The following SFMBT2 variants were observed in gnomAD, a reference collection of about 807,000 sequenced individuals.
SFMBT2 encodes Scm like with four mbt domains 2.
SFMBT2 carries 38 observed loss-of-function variants against 110.1 expected under a neutral mutation model. That is an observed-to-expected ratio of 0.35 (90% CI 0.27 to 0.45). The LOEUF is 0.45. Ranked by LOEUF, SFMBT2 falls within the 20% of genes least tolerant of loss-of-function variation. The probability of loss-of-function intolerance (pLI) is 1.00; values close to 1 mark genes in which losing one functional copy is unlikely to be tolerated. For synonymous variants in SFMBT2, 425 were observed against 425.4 expected (o/e 1.00, Z 0.01); for missense variants, 1,011 against 1,094.9 (o/e 0.92, Z 1.08).
intron 7 of SFMBT2, among the ~76,000 whole-genome samples, chr10:7,263,808 C>T (rs988797907): frequency 2.0e-5 from 3 of 152,172 alleles, no homozygotes; most frequent in Non-Finnish European, 4.4e-5. Flanking sequence ...CACAATCTAT[C>T]GTAAGAGAAG....
chr10:7,379,324 A>T (rs1487356937), intron 2 of SFMBT2, among the ~76,000 whole-genome samples: 1 of 152,188 alleles, frequency 6.6e-6, no homozygotes, highest in East Asian at 1.9e-4. Context: ...TCACCAAGTG[A>T]TTCCAGGACT....
chr10:7,377,982 G>A (rs1845292554), intron 2 of SFMBT2, among the ~76,000 whole-genome samples: 1 of 146,604 alleles, frequency 6.8e-6, no homozygotes. Context: ...GTGTGTGTGG[G>A]GGGGAGGTGG....
chr10:7,376,624 G>A (rs538823603), intron 2 of SFMBT2, among the ~76,000 whole-genome samples: 79 of 146,308 alleles, frequency 5.4e-4, no homozygotes, highest in Admixed American at 1.8e-3. Context: ...GCGTGAACCC[G>A]AGAGGAGGAG....
In SFMBT2 at chr10:7,284,017, T is replaced by G. The variant is rs757831169; in HGVS notation, c.659A>C (p.Tyr220Ser). ...GGATTCAGTGTCCTCCAATCCCACA[T>G]AGCGAAGGCGTAATCTTCCTCCAAC... ...ENVGGRLRLR[Y>S]VGLEDTESYD... Residue 220 changes from tyrosine to serine, a missense_variant, in exon 6 of 21, where the codon TAT becomes TCT. By Grantham distance (144) the Tyr-to-Ser change is moderately radical. Around this residue, in one of 2 missense-constraint regions of SFMBT2, gnomAD observed 979 missense variants for 1,016.1 expected, o/e 0.96. Coordinates refer to ENST00000397167, the MANE Select transcript of SFMBT2 (RefSeq NM_001387889.1). 7 of 1,613,922 alleles carry G rather than the reference T, an allele frequency of 4.3e-6. No homozygotes were observed. The highest frequency in any genetic ancestry group is 4.0e-5 in the African/African-American group (3 of 74,932).
At chr10:7,213,856 C>T (rs897095818) in intron 11 of SFMBT2, among the ~76,000 whole-genome samples, 2 of 152,166 alleles carry the variant, frequency 1.3e-5, no homozygotes, top group Admixed American at 1.3e-4. Flanking sequence ...GTGTGCACAG[C>T]GTGACCGTCC....
chr10:7,179,730 C>T (rs981620116), intron 16 of SFMBT2, among the ~76,000 whole-genome samples: 8 of 152,240 alleles, frequency 5.3e-5, no homozygotes, highest in African/African-American at 1.4e-4. Context: ...AGCACACACA[C>T]GCGCTGCCAC....
chr10:7,329,205 G>T (rs927486156), intron 4 of SFMBT2, among the ~76,000 whole-genome samples: 2 of 152,144 alleles, frequency 1.3e-5, no homozygotes, highest in Non-Finnish European at 2.9e-5. Flanking sequence ...AAATGACAGC[G>T]GACAGATGGA....
intron 14 of SFMBT2, among the ~76,000 whole-genome samples, chr10:7,199,940 A>C (rs1192943599): frequency 1.3e-5 from 2 of 152,248 alleles, no homozygotes; most frequent in Admixed American, 6.5e-5. Context: ...GTAAGACTTT[A>C]CACATTAAAA....
intron 1 of SFMBT2, among the ~76,000 whole-genome samples, chr10:7,387,212 C>T (rs1845632784): frequency 6.6e-6 from 1 of 152,172 alleles, no homozygotes; most frequent in African/African-American, 2.4e-5. Flanking sequence ...CAAATTAATT[C>T]CTCCTGAAAA....
intron 4 of SFMBT2, among the ~76,000 whole-genome samples, chr10:7,302,805 G>C (rs958581235): frequency 6.6e-6 from 1 of 152,146 alleles, no homozygotes; most frequent in African/African-American, 2.4e-5. Flanking sequence ...TGGTTTGTAA[G>C]CACCAGTAGG....
chr10:7,256,058 A>G (rs1480026632), intron 7 of SFMBT2, among the ~76,000 whole-genome samples: 1 of 152,212 alleles, frequency 6.6e-6, no homozygotes, highest in Admixed American at 6.5e-5. Context: ...ACTGGCAGGC[A>G]TGCTCCCTGC....
upstream of SFMBT2, among the ~76,000 whole-genome samples, chr10:7,411,059 G>A (rs1002308167): frequency 4.2e-5 from 6 of 141,750 alleles, no homozygotes; most frequent in Non-Finnish European, 9.0e-5. Context: ...GCGCATGCTC[G>A]GCGCTCTTTT....
intron 4 of SFMBT2, among the ~76,000 whole-genome samples, chr10:7,322,063 C>G (rs759393104): frequency 5.3e-5 from 8 of 152,176 alleles, no homozygotes; most frequent in South Asian, 2.1e-4. Context: ...GGCTCTGTGT[C>G]CCCACTCAAA....
intron 16 of SFMBT2, among the ~76,000 whole-genome samples, chr10:7,180,372 C>G (rs1838209784): frequency 6.6e-6 from 1 of 151,440 alleles, no homozygotes; most frequent in African/African-American, 2.4e-5. Context: ...CTCCTGACCT[C>G]AAGTGATCTG....
At chr10:7,378,259 A>G (rs1588495029) in intron 2 of SFMBT2, among the ~76,000 whole-genome samples, 1 of 10,854 alleles carries the variant, frequency 9.2e-5, no homozygotes, top group Non-Finnish European at 1.4e-4. Flanking sequence ...GTACGTGTGG[A>G]TGGGTGATGG....
At chr10:7,385,949 C>G (rs760528806) in intron 1 of SFMBT2, among the ~76,000 whole-genome samples, 12 of 151,936 alleles carry the variant, frequency 7.9e-5, no homozygotes, top group Non-Finnish European at 1.5e-5. Flanking sequence ...GCAGTGAGCC[C>G]AGATCGTGCC....
At chr10:7,355,153 C>T (rs1844464275) in intron 4 of SFMBT2, among the ~76,000 whole-genome samples, 1 of 152,148 alleles carries the variant, frequency 6.6e-6, no homozygotes, top group African/African-American at 2.4e-5. Context: ...ATGCTAAATT[C>T]AAATTTTTTA....
intron 2 of SFMBT2, among the ~76,000 whole-genome samples, chr10:7,377,202 A>C (rs1845258578): frequency 6.8e-6 from 1 of 147,376 alleles, no homozygotes; most frequent in Non-Finnish European, 1.5e-5. Context: ...AAAAGAGAAA[A>C]CACCCCAAGC....
At chr10:7,317,902 G>A (rs868091522) in intron 4 of SFMBT2, among the ~76,000 whole-genome samples, 8 of 152,136 alleles carry the variant, frequency 5.3e-5, no homozygotes, top group South Asian at 2.1e-4. Flanking sequence ...ATTTGACTTC[G>A]TTATAAATTC....
Sources: gnomAD v4.1 joint callset for allele counts (sites outside exome capture counted in the v4.1 genomes callset) on GRCh38, gnomAD v4.1.1 for gene constraint, gnomAD v4.1.1 regional missense constraint, MANE v1.5 for transcripts, NCBI Gene and HGNC (gene_info 2026-07-23, HGNC 2026-07-21) for gene names.